The following STT3A variants were observed in gnomAD, a reference collection of about 807,000 sequenced individuals.
The protein encoded by STT3A is STT3 oligosaccharyltransferase complex catalytic subunit A.
A neutral mutation model predicts 89.2 loss-of-function variants in STT3A; 34 were observed. The observed-to-expected ratio is 0.38, with a 90% CI of 0.29 to 0.51. STT3A has a LOEUF of 0.51. Among genes scored for constraint, STT3A ranks in the 20% least tolerant of loss-of-function variants. The pLI is 0.89. For missense variants in STT3A, 555 were observed against 889.5 expected, an observed-to-expected ratio of 0.62 and a Z score of 4.78; for synonymous variants, 282 against 310.3, an observed-to-expected ratio of 0.91 and a Z score of 0.96.
intron 4 of STT3A, 117 bp downstream of exon 4, chr11:125,602,541 T>A (rs550558422): frequency 2.4e-6 from 3 of 1,253,334 alleles, no homozygotes; most frequent in Admixed American, 3.0e-5. Flanking sequence ...AATTTCATCC[T>A]GATTACAGGT....
chr11:125,618,514 T>G lies in STT3A; in HGVS notation c.1916T>G (p.Met639Arg). 6.2e-7 allele frequency: 1 copy of G among 1,614,062 alleles called. No individual in the cohort carries two copies. Among genetic ancestry groups the G allele is most frequent in the Non-Finnish European group, 8.5e-7 (1 of 1,179,994 alleles). The change falls in exon 16 of 18, where the codon ATG (methionine) becomes AGG (arginine). Residue 639 changes from methionine (M) to arginine (R), a missense_variant. Transcript: ENST00000392708. ...TCTCCAGTGCTGCTCAACTGCCTCATGTACAAGATGTGTTACTATCGCTTT... is the reference window on the plus strand; with the variant it reads ...TCTCCAGTGCTGCTCAACTGCCTCAGGTACAAGATGTGTTACTATCGCTTT... ...EGSPVLLNCLMYKMCYYRFGQ... is the reference protein window; with the variant it reads ...EGSPVLLNCLRYKMCYYRFGQ...
Position 125,619,216 on chromosome 11 carries a change from AT to A in STT3A, c.1963+670del, listed in dbSNP as rs879500878. ...AGGTGTGCTCTACCATCCCCAGCTAATTTTTTTTTTTTTTTGTATTTTTAGT... is the reference window on the plus strand; with the variant it reads ...AGGTGTGCTCTACCATCCCCAGCTAATTTTTTTTTTTTTTGTATTTTTAGT... On this transcript the variant is annotated intron_variant, in intron 16 of 17. Transcript: ENST00000392708. 7.7e-3 allele frequency among the ~76,000 whole-genome samples: 1,071 copies of A among 138,658 alleles called. 11 individuals are homozygous for A. The highest frequency in any genetic ancestry group is 6.2e-3 in the Non-Finnish European group (393 of 63,506). The allele number at this position is 138,658 out of a possible 152,430, so 91.0% of individuals were successfully genotyped here.
rs533292696 is a variant in STT3A at position 125,621,997 on chromosome 11, T to C, written c.*1187T>C. On this transcript the variant is annotated 3_prime_UTR_variant, in exon 18 of 18. Coordinates refer to ENST00000392708, the MANE Select transcript of STT3A (RefSeq NM_152713.5). ...CTACAGTGAACTGTGATTGTGCCAC[T>C]GTACTCCAGTCTGGGCGACAGTGAA... The C allele has an allele frequency of 4.3e-4, 65 of 152,366 alleles. No individual in the cohort carries two copies. Among genetic ancestry groups the C allele is most frequent in the Admixed American group, 1.8e-3 (27 of 15,308 alleles). 9.4% of individuals were successfully genotyped at this position (152,366 alleles called of 1,614,324 possible).
At chr11:125,601,953 C>T (rs776652193) in intron 3 of STT3A, among the ~76,000 whole-genome samples, 4 of 151,970 alleles carry the variant, frequency 2.6e-5, no homozygotes, top group South Asian at 4.1e-4. Context: ...CACATGCCAC[C>T]GTGCCCAGCT....
chr11:125,592,521 T>C, upstream of STT3A: 1 of 453,652 alleles, frequency 2.2e-6, no homozygotes, highest in Non-Finnish European at 4.4e-6. Flanking sequence ...ATGACGGGAG[T>C]CAGTGGGCCG....
rs564248331 is a variant in STT3A, at chr11:125,621,095, T to C, written c.*285T>C. On this transcript the variant is annotated 3_prime_UTR_variant, in exon 18 of 18. Transcript: ENST00000392708. Reference sequence around the variant, plus strand: ...TTATTTGTTTTGACTTATAACTGATTTGAGGGAGGCAAAAGCTATGCTAGG... The same window carrying C: ...TTATTTGTTTTGACTTATAACTGATCTGAGGGAGGCAAAAGCTATGCTAGG... 2.0e-5 allele frequency: 6 copies of C among 299,906 alleles called. No homozygotes were observed. In the East Asian group the frequency reaches 3.6e-4, roughly 18 times the overall value. 18.6% of individuals were successfully genotyped at this position (299,906 alleles called of 1,614,324 possible).
intron 2 of STT3A, 92 bp downstream of exon 2, chr11:125,596,095 C>T (rs1333420977): frequency 1.1e-6 from 1 of 944,678 alleles, no homozygotes; most frequent in Non-Finnish European, 1.7e-6. Flanking sequence ...ATGCCTTGTT[C>T]TTTTTAGCAG....
rs1201595119 is a variant in STT3A at position 125,614,232 on chromosome 11, T to C, written c.1671+29T>C. On this transcript the variant is annotated intron_variant, in intron 14 of 17. Transcript: ENST00000392708. This position sits in a 1 kb window ranked among gnomAD's most constrained non-coding sequence, Gnocchi z 4.9. Reference sequence around the variant, plus strand: ...AGATAAAGGGATGATCTTTGAGTGTTTGGTGTACAAGGTCTAATGGGAAAT... The same window carrying C: ...AGATAAAGGGATGATCTTTGAGTGTCTGGTGTACAAGGTCTAATGGGAAAT... 1.2e-6 allele frequency: 2 copies of C among 1,612,816 alleles called. No individual in the cohort carries two copies. Among genetic ancestry groups the C allele is most frequent in the Non-Finnish European group, 1.7e-6 (2 of 1,178,856 alleles).
chr11:125,612,870 C>T, intron 12 of STT3A, 119 bp from the exon 13 acceptor site: 1 of 1,505,598 alleles, frequency 6.6e-7, no homozygotes, highest in Non-Finnish European at 9.1e-7. Context: ...AGAATTAACT[C>T]ATATAGCCTC....
At chr11:125,596,480 G>C (rs901117830) in intron 2 of STT3A, among the ~76,000 whole-genome samples, 1 of 152,124 alleles carries the variant, frequency 6.6e-6, no homozygotes, top group Non-Finnish European at 1.5e-5. Context: ...AAAGAGGGCT[G>C]TGATCATCTT....
At position 125,613,922 on chromosome 11, in the gene STT3A, C is replaced by T. The variant is rs1338694599; in HGVS notation, c.1555-165C>T. Reference sequence around the variant, plus strand: ...TTTATAATTGTATATAAATGGAAGACCAGGTGCCAGGATTTATTTTCTGGT... The same window carrying T: ...TTTATAATTGTATATAAATGGAAGATCAGGTGCCAGGATTTATTTTCTGGT... On this transcript the variant is annotated intron_variant, in intron 13 of 17. Coordinates refer to ENST00000392708, the MANE Select transcript of STT3A (RefSeq NM_152713.5). The surrounding 1 kb of genome is among the most constrained non-coding windows in gnomAD (Gnocchi z 4.2). 1 of 625,150 alleles carries T rather than the reference C, an allele frequency of 1.6e-6. No homozygotes were observed. Among genetic ancestry groups the T allele is most frequent in the Admixed American group, 2.6e-5 (1 of 37,958 alleles). 38.7% of individuals were successfully genotyped at this position (625,150 alleles called of 1,614,324 possible).
At chr11:125,619,763 G>A (rs892337899) in intron 16 of STT3A, among the ~76,000 whole-genome samples, 8 of 152,102 alleles carry the variant, frequency 5.3e-5, no homozygotes, top group Non-Finnish European at 8.8e-5. Flanking sequence ...CTTGGAAGTC[G>A]GCTCCCTATG....
At chr11:125,617,880 T>C (rs1173895624) in intron 15 of STT3A, among the ~76,000 whole-genome samples, 2 of 152,256 alleles carry the variant, frequency 1.3e-5, no homozygotes, top group African/African-American at 4.8e-5. Flanking sequence ...TTTAATAATT[T>C]TAACTGAATA....
Position 125,609,513 on chromosome 11 carries a change from T to G in STT3A, c.1041T>G (p.Ala347=). 1 of 1,614,186 alleles carries G rather than the reference T, an allele frequency of 6.2e-7. No homozygotes were observed. Among genetic ancestry groups the G allele is most frequent in the Non-Finnish European group, 8.5e-7 (1 of 1,180,028 alleles). Reference sequence around the variant, plus strand: ...CTAAGAACAACATCCCCATCATTGCTTCTGTGTCTGAGCATCAGCCCACAA... The same window carrying G: ...CTAAGAACAACATCCCCATCATTGCGTCTGTGTCTGAGCATCAGCCCACAA... ...SYAKNNIPII[A]SVSEHQPTTW... The change falls in exon 10 of 18, where the codon GCT becomes GCG. Residue 347 remains alanine, a synonymous_variant. Coordinates refer to ENST00000392708, the MANE Select transcript of STT3A (RefSeq NM_152713.5).
At chr11:125,615,239 T>C (rs1257259151) in intron 15 of STT3A, among the ~76,000 whole-genome samples, 2 of 152,040 alleles carry the variant, frequency 1.3e-5, no homozygotes, top group Non-Finnish European at 2.9e-5. Flanking sequence ...TGGACTCCAG[T>C]CTGGGCAGCA....
At chr11:125,592,567 C>A, upstream of STT3A, 1 of 446,188 alleles carries the variant, frequency 2.2e-6, no homozygotes, top group Non-Finnish European at 4.5e-6. Flanking sequence ...GGTCCGCAAA[C>A]CGACACGTCA....
Position 125,606,401 on chromosome 11 carries a change from C to T in STT3A, c.716C>T (p.Ala239Val). The part of the protein sequence containing the change: ...TGRFSHRIYV[A>V]YCTVYCLGTI... ...CGTTTCTCTCACCGGATCTATGTGG[C>T]CTACTGTACTGTTTACTGCCTGGGC... The change falls in exon 8 of 18, where the codon GCC (alanine) becomes GTC (valine). Residue 239 changes from alanine to valine, a missense_variant. Ala to Val is a moderately conservative substitution (Grantham distance 64, BLOSUM62 0). This residue lies in a region of STT3A where 149 missense variants were observed against 206.2 expected (regional missense o/e 0.72). Coordinates refer to ENST00000392708, the MANE Select transcript of STT3A (RefSeq NM_152713.5). The T allele has an allele frequency of 1.2e-6, 2 of 1,614,204 alleles. No individual in the cohort carries two copies. The highest frequency in any genetic ancestry group is 1.7e-6 in the Non-Finnish European group (2 of 1,180,040).
At chr11:125,602,168 G>T in intron 3 of STT3A, 135 bp from the exon 4 acceptor site, 2 of 1,009,264 alleles carry the variant, frequency 2.0e-6, no homozygotes, top group East Asian at 5.2e-5. Context: ...ACTTATGGTA[G>T]TGTAAAATGA....
chr11:125,616,584 A>C (rs1940186937), intron 15 of STT3A, among the ~76,000 whole-genome samples: 1 of 152,234 alleles, frequency 6.6e-6, no homozygotes, highest in South Asian at 2.1e-4. Flanking sequence ...AGGCATAATA[A>C]AAATAAAAAA....
Sources: allele counts gnomAD v4.1 joint callset (sites outside exome capture counted in the v4.1 genomes callset), GRCh38; gene constraint gnomAD v4.1.1; regional missense constraint gnomAD v4.1.1; non-coding constraint Gnocchi (gnomAD v3.1); transcripts MANE v1.5; gene names NCBI Gene and HGNC (gene_info 2026-07-23, HGNC 2026-07-21).